The following PCDH11Y variants were observed in gnomAD, a reference collection of about 807,000 sequenced individuals.
PCDH11Y encodes protocadherin 11 Y-linked.
For missense variants in PCDH11Y, 12 were observed against 224.8 expected, an observed-to-expected ratio of 0.05 and a Z score of 6.05; for synonymous variants, 9 against 83.6, an observed-to-expected ratio of 0.11 and a Z score of 4.87.
rs2053255886 is a variant in PCDH11Y, at chrY:5,419,286, G to T, written c.3130-81771G>T. 2.1e-4 allele frequency among the ~76,000 whole-genome samples: 7 copies of T among 32,792 alleles called. No individual in the cohort carries two copies. The South Asian group carries it at 4.8e-3, about 22-fold the overall frequency. 88.0% of individuals were successfully genotyped at this position (32,792 alleles called of 37,273 possible). A position where few individuals can be genotyped will look rare whatever the true frequency, so the allele number is the denominator to read the frequency against. Reference sequence around the variant, plus strand: ...ATCCCAAGAGATAATCTAGGAAATTGGAATATTTGAAAGCAATCTGTTACA... The same window carrying T: ...ATCCCAAGAGATAATCTAGGAAATTTGAATATTTGAAAGCAATCTGTTACA... On this transcript the variant is annotated intron_variant, in intron 2 of 4. Coordinates refer to the PCDH11Y transcript ENST00000400457.
At chrY:5,580,543 G>T in intron 3 of PCDH11Y, among the ~76,000 whole-genome samples, 1 of 32,374 alleles carries the variant, frequency 3.1e-5, no homozygotes, top group African/African-American at 1.2e-4. Flanking sequence ...CTCATTTAAA[G>T]TGTGGGGAAT....
chrY:5,306,700 C>CCAAGA (rs2053091274), intron 2 of PCDH11Y, among the ~76,000 whole-genome samples: 1 of 32,770 alleles, frequency 3.1e-5, no homozygotes, highest in Admixed American at 2.8e-4. Flanking sequence ...CCCAGGCCTA[C>CCAAGA]CTGACACCAC....
At chrY:5,360,066 C>CT (rs2053173120) in intron 2 of PCDH11Y, among the ~76,000 whole-genome samples, 3 of 31,840 alleles carry the variant, frequency 9.4e-5, no homozygotes, top group Non-Finnish European at 1.5e-4. Flanking sequence ...GGCATGATTT[C>CT]TTTTTTTGGT....
chrY:5,043,115 C>T, intron 3 of PCDH11Y, among the ~76,000 whole-genome samples: 1 of 30,987 alleles, frequency 3.2e-5, no homozygotes, highest in African/African-American at 1.3e-4. Context: ...CTTCTCCTGC[C>T]TAATTGCCCT....
intron 2 of PCDH11Y, among the ~76,000 whole-genome samples, chrY:5,346,621 C>T (rs2053152892): frequency 3.0e-5 from 1 of 32,839 alleles, no homozygotes; most frequent in Admixed American, 2.8e-4. Flanking sequence ...CTCAGCTTCC[C>T]GAGTAGCTGG....
intron 4 of PCDH11Y, among the ~76,000 whole-genome samples, chrY:5,678,720 T>C: frequency 3.0e-5 from 1 of 33,208 alleles, no homozygotes; most frequent in Admixed American, 2.7e-4. Context: ...TAATATCATA[T>C]CATTAAAAGA....
At chrY:5,065,219 A>G in intron 1 of PCDH11Y, among the ~76,000 whole-genome samples, 1 of 33,181 alleles carries the variant, frequency 3.0e-5, no homozygotes, top group East Asian at 8.0e-4. Flanking sequence ...CTTTTTGCCA[A>G]CATTTATCTG....
intron 3 of PCDH11Y, among the ~76,000 whole-genome samples, chrY:5,507,470 C>T: frequency 3.0e-5 from 1 of 32,876 alleles, no homozygotes; most frequent in Non-Finnish European, 7.5e-5. Flanking sequence ...AATCTTTAAA[C>T]AATTATAGAG....
chrY:5,087,977 C>T, intron 1 of PCDH11Y, among the ~76,000 whole-genome samples: 3 of 32,673 alleles, frequency 9.2e-5, no homozygotes, highest in Admixed American at 8.3e-4. Context: ...CCCAGAGAAG[C>T]TCTCTGTACC....
intron 4 of PCDH11Y, among the ~76,000 whole-genome samples, chrY:5,705,958 G>A: frequency 3.2e-5 from 1 of 31,490 alleles, no homozygotes; most frequent in South Asian, 7.1e-4. Context: ...AAACACTGAT[G>A]TGTCAGACCA....
At chrY:5,737,052 A>G in intron 4 of PCDH11Y, among the ~76,000 whole-genome samples, 3 of 32,151 alleles carry the variant, frequency 9.3e-5, no homozygotes, top group Non-Finnish European at 1.5e-4. Context: ...AAGGATCCCA[A>G]TTATGATAAT....
At chrY:5,478,872 T>C in intron 2 of PCDH11Y, among the ~76,000 whole-genome samples, 1 of 32,325 alleles carries the variant, frequency 3.1e-5, no homozygotes, top group Non-Finnish European at 7.5e-5. Context: ...TTTTCTTTCT[T>C]TCCATTTGCT....
chrY:5,015,294 T>G, intron 1 of PCDH11Y, among the ~76,000 whole-genome samples: 1 of 33,494 alleles, frequency 3.0e-5, no homozygotes. Flanking sequence ...ATTAGCTAAA[T>G]GGCTTGCCTA....
intron 2 of PCDH11Y, among the ~76,000 whole-genome samples, chrY:5,337,571 C>G: frequency 3.3e-5 from 1 of 29,904 alleles, no homozygotes; most frequent in African/African-American, 1.5e-4. Context: ...TCTACTTTAA[C>G]CATAATACCT....
intron 3 of PCDH11Y, among the ~76,000 whole-genome samples, chrY:5,035,610 T>A: frequency 3.1e-5 from 1 of 32,639 alleles, no homozygotes; most frequent in Non-Finnish European, 7.6e-5. Context: ...CCACTTTCCC[T>A]AATTTATACT....
At chrY:5,274,410 G>C in intron 2 of PCDH11Y, among the ~76,000 whole-genome samples, 3 of 33,554 alleles carry the variant, frequency 8.9e-5, no homozygotes, top group Middle Eastern at 0.014. Flanking sequence ...GAGTGCAGTG[G>C]CACAATCTCT....
At chrY:5,108,474 G>A (rs2052797102), downstream of PCDH11Y, among the ~76,000 whole-genome samples, 9 of 33,041 alleles carry the variant, frequency 2.7e-4, no homozygotes, top group South Asian at 2.0e-3. Flanking sequence ...TTGGCCGGGC[G>A]TGGTGGCTTA....
At chrY:5,537,832 C>CTCTTTTTCTAAACCTGCCT (rs2053401967) in intron 3 of PCDH11Y, among the ~76,000 whole-genome samples, 1 of 33,670 alleles carries the variant, frequency 3.0e-5, no homozygotes, top group Non-Finnish European at 7.4e-5. Flanking sequence ...TATGTTTTGA[C>CTCTTTTTCTAAACCTGCCT]TCTTTTTCTA....
intron 2 of PCDH11Y, among the ~76,000 whole-genome samples, chrY:5,227,618 GT>G (rs2052962372): frequency 3.1e-5 from 1 of 32,387 alleles, no homozygotes; most frequent in Non-Finnish European, 7.6e-5. Flanking sequence ...CTATTCCCAG[GT>G]TTTTTAGGGT....
Sources: gnomAD v4.1 joint callset for allele counts (sites outside exome capture counted in the v4.1 genomes callset) on GRCh38, gnomAD v4.1.1 for gene constraint, MANE v1.5 for transcripts, NCBI Gene and HGNC (gene_info 2026-07-23, HGNC 2026-07-21) for gene names.